The following TRPM4 variants were observed in gnomAD, a reference collection of about 807,000 sequenced individuals.
TRPM4 encodes calcium-activated non-selective cation channel 1.
Under a neutral mutation model 135.6 loss-of-function variants are expected in TRPM4, and 124 were observed. That is an observed-to-expected ratio of 0.91 (90% CI 0.79 to 1.06). The LOEUF is 1.06. Ranked by LOEUF, TRPM4 falls within the 50% of genes least tolerant of loss-of-function variation. The pLI is 0.00. For missense variants in TRPM4, 1,658 were observed against 1,671.4 expected (o/e 0.99, Z 0.14); for synonymous variants, 745 against 705.6 (o/e 1.06, Z -0.88).
intron 6 of TRPM4, among the ~76,000 whole-genome samples, chr19:49,170,355 A>G (rs1256407558): frequency 2.6e-5 from 4 of 151,880 alleles, no homozygotes; most frequent in African/African-American, 9.7e-5. Flanking sequence ...CTCCCAGCTA[A>G]TTTTTGTATT....
intron 20 of TRPM4, among the ~76,000 whole-genome samples, chr19:49,204,988 T>G (rs1172051463): frequency 1.4e-5 from 2 of 138,428 alleles, no homozygotes; most frequent in African/African-American, 3.1e-5. Flanking sequence ...GGTTGTTTTT[T>G]TTTTTTTTTT....
At chr19:49,194,000 CTT>C (rs562282304) in intron 16 of TRPM4, among the ~76,000 whole-genome samples, 11 of 150,528 alleles carry the variant, frequency 7.3e-5, no homozygotes, top group South Asian at 2.1e-4. Flanking sequence ...TCCTCATCCT[CTT>C]TCTCTTCCTC....
At position 49,210,851 on chromosome 19, in the gene TRPM4, G is replaced by A. The variant is rs1362353987; in HGVS notation, c.3461+9G>A. On this transcript the variant is annotated intron_variant, in intron 22 of 24. Coordinates refer to ENST00000252826, the MANE Select transcript of TRPM4 (RefSeq NM_017636.4). The surrounding 1 kb of genome is among the most constrained non-coding windows in gnomAD (Gnocchi z 4.1). ...AAGCGCACGTCCCAGAAGTGAGAGC[G>A]GGGCCTGGTCGGGGATGGGGCTTCT... The A allele has an allele frequency of 2.5e-6, 4 of 1,607,464 alleles. No individual in the cohort carries two copies. The highest frequency in any genetic ancestry group is 2.2e-5 in the East Asian group (1 of 44,672).
chr19:49,168,675 C>T lies in TRPM4; in HGVS notation c.735C>T (p.Gly245=), dbSNP rs555320255. Residue 245 remains glycine, a synonymous_variant, in exon 6 of 25, where the codon GGC becomes GGT. Coordinates refer to ENST00000252826, the MANE Select transcript of TRPM4 (RefSeq NM_017636.4). ...ACGGCACACACGGCTGCCTGGGGGG[C>T]GAGAACCGCTTCCGCTTGCGCCTGG... ...VDDGTHGCLG[G]ENRFRLRLES... 22 of 1,612,242 alleles carry T rather than the reference C, an allele frequency of 1.4e-5. 1 individual carries two copies. In the African/African-American group the frequency reaches 1.5e-4, roughly 11 times the overall value.
At chr19:49,203,774 G>A (rs565336562) in intron 20 of TRPM4, among the ~76,000 whole-genome samples, 11 of 152,176 alleles carry the variant, frequency 7.2e-5, no homozygotes, top group Non-Finnish European at 1.0e-4. Flanking sequence ...CCCTGTTGTA[G>A]TGTGCATCAG....
intron 12 of TRPM4, among the ~76,000 whole-genome samples, chr19:49,185,106 C>T (rs879723942): frequency 6.6e-5 from 10 of 151,942 alleles, no homozygotes; most frequent in African/African-American, 9.7e-5. Flanking sequence ...TTTAGCTCTT[C>T]GAGCATATTT....
chr19:49,179,420 G>A (rs1374162752), intron 9 of TRPM4, among the ~76,000 whole-genome samples: 1 of 151,466 alleles, frequency 6.6e-6, no homozygotes, highest in Non-Finnish European at 1.5e-5. Flanking sequence ...ACGTGATCTC[G>A]GCTCACTGCA....
chr19:49,181,510 C>A (rs1184303397), intron 10 of TRPM4, 49 bp downstream of exon 10: 3 of 1,062,590 alleles, frequency 2.8e-6, no homozygotes, highest in Non-Finnish European at 1.4e-6. Flanking sequence ...AGGGACTGTG[C>A]TGTCCTCCCT....
intron 9 of TRPM4, among the ~76,000 whole-genome samples, chr19:49,174,316 C>G (rs910613483): frequency 3.9e-5 from 6 of 152,230 alleles, no homozygotes; most frequent in Middle Eastern, 3.4e-3. Flanking sequence ...TCATGCCCGG[C>G]TGATTTTTGT....
At chr19:49,182,061 C>CATCCATCCATCCATCA (rs1967952235) in intron 10 of TRPM4, among the ~76,000 whole-genome samples, 1 of 133,826 alleles carries the variant, frequency 7.5e-6, no homozygotes, top group Non-Finnish European at 1.6e-5. Context: ...TCCATTTATC[C>CATCCATCCATCCATCA]ATCCATCCAT....
chr19:49,201,000 CTTTTTTT>C (rs771981417), intron 19 of TRPM4, among the ~76,000 whole-genome samples: 4 of 140,766 alleles, frequency 2.8e-5, no homozygotes, highest in Non-Finnish European at 4.6e-5. Flanking sequence ...TTTCTTTTTT[CTTTTTTT>C]TTTTCTTTTT....
At position 49,188,813 on chromosome 19, in the gene TRPM4, G is replaced by T. The variant is rs764808696; in HGVS notation, c.1873+43G>T. 1.9e-6 allele frequency: 3 copies of T among 1,612,840 alleles called. No homozygotes were observed. In the South Asian group the frequency reaches 3.3e-5, roughly 18 times the overall value. ...CCTGGGAGCAGGGACGGGGGCTGCC[G>T]CCAGAGGGGGATGTGCAACTCCGCA... is the stretch of plus-strand genomic sequence containing the variant. On this transcript the variant is annotated intron_variant, in intron 13 of 24. Transcript: ENST00000252826.
At chr19:49,158,309 C>A (rs750092421) in intron 2 of TRPM4, 50 bp downstream of exon 2, 7 of 1,569,912 alleles carry the variant, frequency 4.5e-6, no homozygotes. Flanking sequence ...GGCCCGCTGA[C>A]CCCGCCCGCG....
At chr19:49,193,375 C>G (rs576338907) in intron 16 of TRPM4, among the ~76,000 whole-genome samples, 1 of 152,304 alleles carries the variant, frequency 6.6e-6, no homozygotes, top group South Asian at 2.1e-4. Context: ...GCCACCGCAC[C>G]CGTCCGGAAA....
chr19:49,191,366 G>A (rs1968405946), intron 16 of TRPM4, among the ~76,000 whole-genome samples: 1 of 151,866 alleles, frequency 6.6e-6, no homozygotes, highest in African/African-American at 2.4e-5. Context: ...ACTACGCCCA[G>A]CTAATTTTTG....
At chr19:49,166,810 CTG>C (rs1967204033) in intron 3 of TRPM4, among the ~76,000 whole-genome samples, 1 of 148,160 alleles carries the variant, frequency 6.7e-6, no homozygotes, top group Non-Finnish European at 1.5e-5. Flanking sequence ...CCCCTTTTCT[CTG>C]TGTCTCTGTC....
At position 49,171,380 on chromosome 19, in the gene TRPM4, C is replaced by T. The variant is rs1158842429; in HGVS notation, c.820C>T (p.Leu274=). 1 of 1,613,958 alleles carries T rather than the reference C, an allele frequency of 6.2e-7. No individual in the cohort carries two copies. Among genetic ancestry groups the T allele is most frequent in the Non-Finnish European group, 8.5e-7 (1 of 1,180,030 alleles). Residue 274 remains leucine, a synonymous_variant, in exon 7 of 25, where the codon CTG becomes TTG. Coordinates refer to ENST00000252826, the MANE Select transcript of TRPM4 (RefSeq NM_017636.4). The surrounding 1 kb of genome is among the most constrained non-coding windows in gnomAD (Gnocchi z 4.7). ...VGGTGIDIPV[L]LLLIDGDEKM... ...AGGGACTGGAATTGACATCCCTGTCCTGCTCCTCCTGATTGATGGTGATGA... is the reference window on the plus strand; with the variant it reads ...AGGGACTGGAATTGACATCCCTGTCTTGCTCCTCCTGATTGATGGTGATGA...
Position 49,196,812 on chromosome 19 carries a change from C to T in TRPM4, c.2583C>T (p.Ala861=), listed in dbSNP as rs1472609688. The change falls in exon 17 of 25, where the codon GCC becomes GCT. Residue 861 remains alanine (A), a synonymous_variant. Coordinates refer to ENST00000252826, the MANE Select transcript of TRPM4 (RefSeq NM_017636.4). Reference sequence around the variant, plus strand: ...GCCAGCGCCTGCGCCTCTACCTCGCCGACAGCTGGAACCAGTGCGACCTAG... The same window carrying T: ...GCCAGCGCCTGCGCCTCTACCTCGCTGACAGCTGGAACCAGTGCGACCTAG... ...SLSQRLRLYL[A]DSWNQCDLVA... is the part of the protein sequence containing the mutation. 6.3e-6 allele frequency: 10 copies of T among 1,588,662 alleles called. No individual in the cohort carries two copies. The highest frequency in any genetic ancestry group is 5.4e-5 in the African/African-American group (4 of 74,682).
At position 49,211,190 on chromosome 19, in the gene TRPM4, G is replaced by A. The variant is rs1461483996; in HGVS notation, c.3561G>A (p.Gly1187=). 6.2e-7 allele frequency: 1 copy of A among 1,603,660 alleles called. No individual in the cohort carries two copies. Among genetic ancestry groups the A allele is most frequent in the Non-Finnish European group, 8.5e-7 (1 of 1,175,838 alleles). The change falls in exon 24 of 25, where the codon GGG becomes GGA. Residue 1187 remains glycine, a synonymous_variant. Coordinates refer to ENST00000252826, the MANE Select transcript of TRPM4 (RefSeq NM_017636.4). The surrounding 1 kb of genome is among the most constrained non-coding windows in gnomAD (Gnocchi z 4.8). ...TCCAGCAGTGTAGCCGCGTCCTGGG[G>A]TGGGTGGCCGAGGCCCTGAGCCGCT... ...REVQQCSRVL[G]WVAEALSRSA... is the part of the protein sequence containing the mutation.
Sources: allele counts gnomAD v4.1 joint callset (sites outside exome capture counted in the v4.1 genomes callset), GRCh38; gene constraint gnomAD v4.1.1; non-coding constraint Gnocchi (gnomAD v3.1); transcripts MANE v1.5; gene names NCBI Gene and HGNC (gene_info 2026-07-23, HGNC 2026-07-21).